The following AUTS2 variants were observed in gnomAD, a reference collection of about 807,000 sequenced individuals.
AUTS2 encodes activator of transcription and developmental regulator AUTS2.
Under a neutral mutation model 112.4 loss-of-function variants are expected in AUTS2, and 17 were observed. The observed-to-expected ratio is 0.15, with a 90% confidence interval of 0.10 to 0.23. The LOEUF (loss-of-function observed/expected upper bound fraction) is 0.23. Ranked by LOEUF, AUTS2 falls within the 10% of genes least tolerant of loss-of-function variation. AUTS2 has a pLI of 1.00. For synonymous variants in AUTS2, 751 were observed against 702.7 expected, an observed-to-expected ratio of 1.07 and a Z score of -1.09; for missense variants, 1,510 against 1,701.6, an observed-to-expected ratio of 0.89 and a Z score of 1.98.
chr7:69,948,142 G>C (rs1424900799), intron 2 of AUTS2, among the ~76,000 whole-genome samples: 1 of 152,160 alleles, frequency 6.6e-6, no homozygotes, highest in African/African-American at 2.4e-5. Flanking sequence ...GCTGTGCCCA[G>C]CGGTAGCCCA....
In AUTS2 at chr7:70,631,619, T is replaced by C. The variant is rs935879042; in HGVS notation, c.691-66950T>C. ...ACCATTTTAGCGACAAGGGCAGCTA[T>C]GAAAATGGCCCAGCTGCAGAAAGTC... On this transcript the variant is annotated intron_variant, in intron 5 of 18. Transcript: ENST00000342771. The surrounding 1 kb of genome is among the most constrained non-coding windows in gnomAD (Gnocchi z 4.5). 4.6e-5 allele frequency among the ~76,000 whole-genome samples: 7 copies of C among 152,122 alleles called. No homozygotes were observed. Among genetic ancestry groups the C allele is most frequent in the African/African-American group, 1.7e-4 (7 of 41,432 alleles).
intron 18 of AUTS2, among the ~76,000 whole-genome samples, chr7:70,788,980 C>T (rs1791697050): frequency 1.3e-5 from 2 of 152,216 alleles, no homozygotes; most frequent in African/African-American, 4.8e-5. Flanking sequence ...ATTCTTGTCT[C>T]GTGTTTTCAC....
intron 1 of AUTS2, among the ~76,000 whole-genome samples, chr7:69,808,870 C>T (rs1381064206): frequency 1.3e-5 from 2 of 152,144 alleles, no homozygotes; most frequent in Non-Finnish European, 2.9e-5. Context: ...TGTTAGGAGA[C>T]ATGAGGGGTA....
rs139215247 is a variant in AUTS2, at chr7:70,788,790, C to G, written c.2532-958C>G. 2.9e-3 allele frequency among the ~76,000 whole-genome samples: 446 copies of G among 152,352 alleles called. 5 individuals are homozygous for G. Among genetic ancestry groups the G allele is most frequent in the African/African-American group, 0.01 (432 of 41,572 alleles). On this transcript the variant is annotated intron_variant, in intron 18 of 18. Coordinates refer to ENST00000342771, the MANE Select transcript of AUTS2 (RefSeq NM_015570.4). ...CTGTGGTCCTCTGATCCTTGCACAC[C>G]AGCACCAAGCCAGCATGGCAGCCTG...
chr7:70,538,908 G>T (rs1203583177), intron 5 of AUTS2, among the ~76,000 whole-genome samples: 1 of 152,084 alleles, frequency 6.6e-6, no homozygotes, highest in Non-Finnish European at 1.5e-5. Flanking sequence ...TATAGTGATG[G>T]GTTCTGGATG....
chr7:69,802,750 C>T (rs963886284), intron 1 of AUTS2, among the ~76,000 whole-genome samples: 1 of 152,124 alleles, frequency 6.6e-6, no homozygotes, highest in Non-Finnish European at 1.5e-5. Flanking sequence ...CTGGATTACC[C>T]ATCTATGCTT....
chr7:69,639,445 A>G (rs1296560701), intron 1 of AUTS2, among the ~76,000 whole-genome samples: 4 of 152,166 alleles, frequency 2.6e-5, no homozygotes, highest in South Asian at 2.1e-4. Flanking sequence ...ATCTACTCCA[A>G]TCTTTTATTT....
chr7:69,912,928 A>G lies in AUTS2; in HGVS notation c.522+13430A>G, dbSNP rs77048606. ...GTGCAGCATTATTTAGCTCATTGCT[A>G]TTGTACTCTGGTTTAAAAAATTTCA... On this transcript the variant is annotated intron_variant, in intron 2 of 18. Coordinates refer to ENST00000342771, the MANE Select transcript of AUTS2 (RefSeq NM_015570.4). Among the ~76,000 whole-genome samples, 166 of 152,264 alleles carry G rather than the reference A, an allele frequency of 1.1e-3. 1 individual carries two copies. The highest frequency in any genetic ancestry group is 6.2e-3 in the South Asian group (30 of 4,828).
intron 2 of AUTS2, among the ~76,000 whole-genome samples, chr7:69,909,466 G>A (rs1562962865): frequency 6.6e-6 from 1 of 151,938 alleles, no homozygotes; most frequent in Non-Finnish European, 1.5e-5. Flanking sequence ...CAATGATGAT[G>A]AGCTCTTAAG....
At chr7:69,804,362 G>A (rs966461773) in intron 1 of AUTS2, among the ~76,000 whole-genome samples, 8 of 152,210 alleles carry the variant, frequency 5.3e-5, no homozygotes, top group African/African-American at 1.9e-4. Flanking sequence ...TCCTCACTGT[G>A]TGAAACTTCT....
intron 2 of AUTS2, among the ~76,000 whole-genome samples, chr7:70,012,598 T>C (rs939850660): frequency 7.2e-5 from 11 of 152,214 alleles, no homozygotes; most frequent in African/African-American, 2.4e-4. Flanking sequence ...CATTTTTTCC[T>C]CTTCCATTTC....
At chr7:70,493,965 A>C (rs930190472) in intron 5 of AUTS2, among the ~76,000 whole-genome samples, 1 of 152,224 alleles carries the variant, frequency 6.6e-6, no homozygotes. Context: ...AGGCAGGATA[A>C]GTATTCACTG....
At chr7:69,953,975 C>G (rs554061567) in intron 2 of AUTS2, among the ~76,000 whole-genome samples, 134 of 152,256 alleles carry the variant, frequency 8.8e-4, no homozygotes, top group Middle Eastern at 3.4e-3. Flanking sequence ...ATGATTTCCT[C>G]TCTATTAGAG....
intron 1 of AUTS2, among the ~76,000 whole-genome samples, chr7:69,874,925 A>G (rs1793664736): frequency 2.0e-5 from 3 of 150,780 alleles, no homozygotes; most frequent in African/African-American, 7.3e-5. Flanking sequence ...CATTACGTCC[A>G]GTTGCATTGC....
chr7:70,629,516 C>T (rs1235153549), intron 5 of AUTS2, among the ~76,000 whole-genome samples: 11 of 152,000 alleles, frequency 7.2e-5, no homozygotes, highest in African/African-American at 2.7e-4. Context: ...AAAAGCCAGC[C>T]CTTCTGTGGT....
At chr7:70,182,546 T>C (rs949039288) in intron 4 of AUTS2, among the ~76,000 whole-genome samples, 8 of 152,204 alleles carry the variant, frequency 5.3e-5, no homozygotes, top group African/African-American at 1.9e-4. Flanking sequence ...CAAATCGAAC[T>C]GAATGGATCA....
intron 1 of AUTS2, among the ~76,000 whole-genome samples, chr7:69,816,160 T>TG (rs958398392): frequency 1.3e-5 from 2 of 152,194 alleles, no homozygotes; most frequent in African/African-American, 4.8e-5. Context: ...CTGTTAACAA[T>TG]GGGGGCAAGC....
At position 70,791,287 on chromosome 7, in the gene AUTS2, A is replaced by C; in HGVS notation, c.*291A>C. On this transcript the variant is annotated 3_prime_UTR_variant, in exon 19 of 19. Transcript: ENST00000342771. ...ACAGTGAAGATGACAACACACACCAATTGGATGATAATTGTAGCGGGGGCG... is the reference window on the plus strand; with the variant it reads ...ACAGTGAAGATGACAACACACACCACTTGGATGATAATTGTAGCGGGGGCG... 10 of 136,738 alleles carry C rather than the reference A, an allele frequency of 7.3e-5. No homozygotes were observed. The highest frequency in any genetic ancestry group is 1.1e-4 in the Non-Finnish European group (8 of 70,512). The allele number at this position is 136,738 out of a possible 1,614,324, so 8.5% of individuals were successfully genotyped here.
At chr7:70,737,822 G>C (rs978976071) in intron 6 of AUTS2, among the ~76,000 whole-genome samples, 1 of 152,126 alleles carries the variant, frequency 6.6e-6, no homozygotes, top group African/African-American at 2.4e-5. Context: ...AGGTAACCTT[G>C]AAAATGGAAA....
Sources: gnomAD v4.1 joint callset for allele counts (sites outside exome capture counted in the v4.1 genomes callset) on GRCh38, gnomAD v4.1.1 for gene constraint, Gnocchi (gnomAD v3.1) non-coding constraint, MANE v1.5 for transcripts, NCBI Gene and HGNC (gene_info 2026-07-23, HGNC 2026-07-21) for gene names.